The following MAP2 variants were observed in gnomAD, a reference collection of about 807,000 sequenced individuals.
The protein encoded by MAP2 is microtubule-associated protein 2.
In MAP2, 14 loss-of-function variants were observed where a neutral mutation model predicts 137.6. That is an observed-to-expected ratio of 0.10 (90% CI 0.07 to 0.16). The LOEUF (loss-of-function observed/expected upper bound fraction) is 0.16, where lower values mean the gene tolerates loss of function less well. Ranked by LOEUF, MAP2 falls within the 10% of genes least tolerant of loss-of-function variation. The pLI, the probability that MAP2 is intolerant of heterozygous loss-of-function variation, is 1.00. For missense variants in MAP2, 2,088 were observed against 2,191.5 expected (o/e 0.95, Z 0.94); for synonymous variants, 786 against 782.3 (o/e 1.00, Z -0.08).
At chr2:209,489,407 G>A (rs1231281981) in intron 1 of MAP2, among the ~76,000 whole-genome samples, 7 of 152,042 alleles carry the variant, frequency 4.6e-5, no homozygotes, top group East Asian at 1.9e-4. Context: ...ATAACTCCTC[G>A]CCAGCAAGGG....
At chr2:209,683,156 A>G (rs1328757148) in intron 7 of MAP2, among the ~76,000 whole-genome samples, 1 of 152,200 alleles carries the variant, frequency 6.6e-6, no homozygotes, top group Non-Finnish European at 1.5e-5. Flanking sequence ...ATAAATAAAT[A>G]AAATGTAGAA....
chr2:209,546,527 T>G (rs1024114084), intron 2 of MAP2, among the ~76,000 whole-genome samples: 2 of 152,214 alleles, frequency 1.3e-5, no homozygotes, highest in African/African-American at 4.8e-5. Flanking sequence ...CCTTTACTGC[T>G]TATAGGATTT....
intron 14 of MAP2, among the ~76,000 whole-genome samples, chr2:209,726,212 G>C (rs944486225): frequency 2.6e-5 from 4 of 152,092 alleles, no homozygotes; most frequent in Non-Finnish European, 4.4e-5. Context: ...AGCTGAAGAA[G>C]TGTATTTATC....
chr2:209,539,508 A>G (rs975981090), intron 2 of MAP2, among the ~76,000 whole-genome samples: 8 of 152,196 alleles, frequency 5.3e-5, no homozygotes, highest in African/African-American at 1.2e-4. Flanking sequence ...AACAAAGTCA[A>G]TTTGGCCAAT....
At chr2:209,584,085 G>A (rs2077133955) in intron 3 of MAP2, among the ~76,000 whole-genome samples, 1 of 152,018 alleles carries the variant, frequency 6.6e-6, no homozygotes, top group Non-Finnish European at 1.5e-5. Context: ...TATCCATGTT[G>A]CTGCAAAGGA....
chr2:209,676,763 A>ATATATG (rs2153679103), intron 5 of MAP2, among the ~76,000 whole-genome samples: 1 of 95,688 alleles, frequency 1.0e-5, no homozygotes, highest in East Asian at 3.4e-4. Context: ...ATATATATAT[A>ATATATG]TATATATATC....
chr2:209,521,315 C>T (rs1463114373), intron 2 of MAP2, among the ~76,000 whole-genome samples: 6 of 151,904 alleles, frequency 3.9e-5, no homozygotes, highest in Non-Finnish European at 8.8e-5. Flanking sequence ...TGTATCATTT[C>T]CTAAATGATT....
At chr2:209,536,788 C>T (rs1227550391) in intron 2 of MAP2, among the ~76,000 whole-genome samples, 1 of 151,868 alleles carries the variant, frequency 6.6e-6, no homozygotes. Flanking sequence ...TTTCATAAAC[C>T]TGTGAAATGT....
In MAP2 at chr2:209,694,760, C is replaced by G. The variant is rs775238001; in HGVS notation, c.2590C>G (p.Leu864Val). The G allele has an allele frequency of 6.2e-7, 1 of 1,614,118 alleles. No homozygotes were observed. Among genetic ancestry groups the G allele is most frequent in the Non-Finnish European group, 8.5e-7 (1 of 1,180,016 alleles). Reference sequence around the variant, plus strand: ...TGTCATTGTAAAAACGGACAGTCAGCTCGAAGACCTGGGCTACTGTGTGTT... The same window carrying G: ...TGTCATTGTAAAAACGGACAGTCAGGTCGAAGACCTGGGCTACTGTGTGTT... Reference protein sequence around the residue: ...NHVIVKTDSQLEDLGYCVFNK... With the variant: ...NHVIVKTDSQVEDLGYCVFNK... Residue 864 changes from leucine (L) to valine (V), a missense_variant, in exon 8 of 16, where the codon CTC becomes GTC. This residue lies in a region of MAP2 where 500 missense variants were observed against 482.9 expected (regional missense o/e 1.04). Transcript: ENST00000682079.
At chr2:209,704,534 A>G (rs889021735) in intron 11 of MAP2, 2 of 1,612,520 alleles carry the variant, frequency 1.2e-6, no homozygotes, top group Non-Finnish European at 1.7e-6. Context: ...CACGACTAAA[A>G]GGGCTACATT....
rs1003086771 is a variant in MAP2 at position 209,661,548 on chromosome 2, T to G, written c.262+8116T>G. On this transcript the variant is annotated intron_variant, in intron 5 of 15. Transcript: ENST00000682079. ...TCACACAGCCTCACTGCGAAGCATCTGGGCCTGGTGGCACCGATGGATGAG... is the reference window on the plus strand; with the variant it reads ...TCACACAGCCTCACTGCGAAGCATCGGGGCCTGGTGGCACCGATGGATGAG... 27 of 985,372 alleles carry G rather than the reference T, an allele frequency of 2.7e-5. No individual in the cohort carries two copies. The African/African-American group carries it at 4.5e-4, about 17-fold the overall frequency. The allele number at this position is 985,372 out of a possible 1,614,324, so 61.0% of individuals were successfully genotyped here.
chr2:209,480,068 T>C (rs1487604602), intron 1 of MAP2, among the ~76,000 whole-genome samples: 1 of 152,180 alleles, frequency 6.6e-6, no homozygotes, highest in Non-Finnish European at 1.5e-5. Flanking sequence ...CCTTACCTAA[T>C]AATGTACATA....
rs1488961493 is a variant in MAP2, at chr2:209,653,441, G to C, written c.262+9G>C. On this transcript the variant is annotated intron_variant, in intron 5 of 15. Coordinates refer to ENST00000682079, the MANE Select transcript of MAP2 (RefSeq NM_001375505.1). ...TGACAGAGAAACAGCAGGTAACTAA[G>C]GGCTCTACTGTCACCAAGTGCTTGC... is the stretch of plus-strand genomic sequence containing the variant. The C allele has an allele frequency of 3.8e-6, 6 of 1,577,012 alleles. No individual in the cohort carries two copies. The highest frequency in any genetic ancestry group is 3.6e-4 in the Middle Eastern group (2 of 5,618).
intron 7 of MAP2, chr2:209,690,837 C>G: frequency 2.3e-6 from 3 of 1,282,936 alleles, no homozygotes; most frequent in Non-Finnish European, 3.0e-6. Flanking sequence ...ACCCCTTCCT[C>G]TGCTGGGGAA....
At chr2:209,506,915 G>C (rs1157376875) in intron 1 of MAP2, among the ~76,000 whole-genome samples, 1 of 152,162 alleles carries the variant, frequency 6.6e-6, no homozygotes, top group East Asian at 1.9e-4. Flanking sequence ...ATTTTTCCCA[G>C]TTCTGGAAGC....
chr2:209,532,450 T>C (rs2065265846), intron 2 of MAP2, among the ~76,000 whole-genome samples: 1 of 152,132 alleles, frequency 6.6e-6, no homozygotes, highest in Admixed American at 6.6e-5. Context: ...AACTAGGTAA[T>C]ATTGTTATCC....
intron 13 of MAP2, among the ~76,000 whole-genome samples, chr2:209,714,226 T>G (rs1274526915): frequency 2.0e-5 from 3 of 151,960 alleles, no homozygotes; most frequent in Non-Finnish European, 4.4e-5. Context: ...TAAATAAAAT[T>G]TTAAAAGCAC....
chr2:209,661,566 T>C, intron 5 of MAP2: 1 of 985,494 alleles, frequency 1.0e-6, no homozygotes, highest in Non-Finnish European at 1.2e-6. Flanking sequence ...GTGGCACCGA[T>C]GGATGAGGAC....
chr2:209,506,494 C>G (rs1297601875), intron 1 of MAP2, among the ~76,000 whole-genome samples: 1 of 152,110 alleles, frequency 6.6e-6, no homozygotes, highest in Non-Finnish European at 1.5e-5. Flanking sequence ...ACCTAACTTG[C>G]TTTTTAATTA....
Sources: allele counts gnomAD v4.1 joint callset (sites outside exome capture counted in the v4.1 genomes callset), GRCh38; gene constraint gnomAD v4.1.1; regional missense constraint gnomAD v4.1.1; transcripts MANE v1.5; gene names NCBI Gene and HGNC (gene_info 2026-07-23, HGNC 2026-07-21).